The following CCDC127 variants were observed in gnomAD, a reference collection of about 807,000 sequenced individuals.
CCDC127 encodes the protein coiled-coil domain containing 127, also known as coiled-coil domain-containing protein 127.
Under a neutral mutation model 4.1 loss-of-function variants are expected in CCDC127, and 2 were observed. The observed-to-expected ratio is 0.49, with a 90% confidence interval of 0.20 to 1.53. CCDC127 has a LOEUF of 1.53. Ranked by LOEUF, CCDC127 falls within the 40% of genes most tolerant of loss-of-function variation. The pLI is 0.23. For synonymous variants in CCDC127, 98 were observed against 120.4 expected (o/e 0.81, Z 1.22); for missense variants, 271 against 322.9 (o/e 0.84, Z 1.23).
intron 2 of CCDC127, among the ~76,000 whole-genome samples, chr5:207,251 A>G (rs1734194352): frequency 6.6e-6 from 1 of 152,214 alleles, no homozygotes; most frequent in Non-Finnish European, 1.5e-5. Flanking sequence ...AGTAAGCACA[A>G]AACCAAACTC....
At position 196,869 on chromosome 5, in the gene CCDC127, A is replaced by G. The variant is rs1323894589; in HGVS notation, c.*8428T>C. ...TGAGAAAAGAAGTAAGACACAAAGT[A>G]TAGAGAAACAACAGTGGGCCCAGGG... is the stretch of plus-strand genomic sequence containing the variant. On this transcript the variant is annotated 3_prime_UTR_variant, in exon 3 of 3. Coordinates refer to ENST00000296824, the MANE Select transcript of CCDC127 (RefSeq NM_145265.3). The G allele has an allele frequency of 5.4e-4, 54 of 100,366 alleles. No individual in the cohort carries two copies. The highest frequency in any genetic ancestry group is 1.5e-3 in the African/African-American group (50 of 32,498). The allele number at this position is 100,366 out of a possible 1,614,324, so 6.2% of individuals were successfully genotyped here. A position where few individuals can be genotyped will look rare whatever the true frequency, so the allele number is the denominator to read the frequency against.
rs1160940321 is a variant in CCDC127, at chr5:203,326, A to C, written c.*1971T>G. ...GGCACGCTAGCAGCCACTGAAGAAG[A>C]GAAGCATCTGAGCACCCTTAGCCAT... is the stretch of plus-strand genomic sequence containing the variant. On this transcript the variant is annotated 3_prime_UTR_variant, in exon 3 of 3. Coordinates refer to ENST00000296824, the MANE Select transcript of CCDC127 (RefSeq NM_145265.3). 1.3e-5 allele frequency: 2 copies of C among 152,298 alleles called. No individual in the cohort carries two copies. Among genetic ancestry groups the C allele is most frequent in the East Asian group, 3.8e-4 (2 of 5,206 alleles). The allele number at this position is 152,298 out of a possible 1,614,324, so 9.4% of individuals were successfully genotyped here.
chr5:206,091 C>A, intron 2 of CCDC127, 133 bp from the exon 3 acceptor site: 1 of 801,174 alleles, frequency 1.2e-6, no homozygotes, highest in Non-Finnish European at 1.9e-6. Flanking sequence ...CCAAGAAGAT[C>A]ACTTCTACGT....
intron 2 of CCDC127, among the ~76,000 whole-genome samples, chr5:207,291 T>C (rs1002991593): frequency 1.3e-5 from 2 of 152,146 alleles, no homozygotes; most frequent in Non-Finnish European, 2.9e-5. Flanking sequence ...TAGCTGCTAG[T>C]CCTACTTCAG....
chr5:207,732 C>T (rs192211941), intron 2 of CCDC127, among the ~76,000 whole-genome samples: 4 of 151,914 alleles, frequency 2.6e-5, no homozygotes, highest in Non-Finnish European at 5.9e-5. Context: ...TCTGCAGCCA[C>T]GAGGAGTCAA....
rs1734047480 is a variant in CCDC127, at chr5:200,159, T to C, written c.*5138A>G. On this transcript the variant is annotated 3_prime_UTR_variant, in exon 3 of 3. Transcript: ENST00000296824. ...CACATTCAGGCTCATCTGGTCCCGC[T>C]ACCCGACAGCAAGACCCTCAGCCTG... 6.6e-6 allele frequency: 1 copy of C among 152,206 alleles called. No individual in the cohort carries two copies. The highest frequency in any genetic ancestry group is 2.1e-4 in the South Asian group (1 of 4,822). 9.4% of individuals were successfully genotyped at this position (152,206 alleles called of 1,614,324 possible). A position where few individuals can be genotyped will look rare whatever the true frequency, so the allele number is the denominator to read the frequency against.
At chr5:213,731 C>T (rs1218763707) in intron 2 of CCDC127, among the ~76,000 whole-genome samples, 1 of 152,252 alleles carries the variant, frequency 6.6e-6, no homozygotes, top group East Asian at 1.9e-4. Context: ...AACCGATCAG[C>T]TCTGCATTGC....
At position 218,111 on chromosome 5, in the gene CCDC127, G is replaced by A. The variant is rs114533164; in HGVS notation, c.-29C>T. On this transcript the variant is annotated 5_prime_UTR_variant, in exon 1 of 3. Transcript: ENST00000296824. ...GCTCTACCTCGGTCGGGGAGCGCGGGACCTCAGCGTTCCCTTAACGCCACC... is the reference window on the plus strand; with the variant it reads ...GCTCTACCTCGGTCGGGGAGCGCGGAACCTCAGCGTTCCCTTAACGCCACC... 3.2e-3 allele frequency: 3,900 copies of A among 1,217,610 alleles called. 95 individuals are homozygous for A. In the African/African-American group the frequency reaches 0.054, roughly 17 times the overall value. The allele number at this position is 1,217,610 out of a possible 1,614,324, so 75.4% of individuals were successfully genotyped here. A position where few individuals can be genotyped will look rare whatever the true frequency, so the allele number is the denominator to read the frequency against.
chr5:210,599 C>T (rs1284004050), intron 2 of CCDC127, among the ~76,000 whole-genome samples: 1 of 152,188 alleles, frequency 6.6e-6, no homozygotes, highest in African/African-American at 2.4e-5. Context: ...CACAGTAGAG[C>T]CACGATGAGA....
At chr5:206,065 T>A in intron 2 of CCDC127, 107 bp from the exon 3 acceptor site, 1 of 1,002,412 alleles carries the variant, frequency 1.0e-6, no homozygotes, top group Non-Finnish European at 1.5e-6. Context: ...AGTAAAAGCT[T>A]AAGACCTCGG....
At chr5:213,513 G>C (rs1251663194) in intron 2 of CCDC127, among the ~76,000 whole-genome samples, 1 of 134,648 alleles carries the variant, frequency 7.4e-6, no homozygotes, top group East Asian at 2.1e-4. Flanking sequence ...CGGGACAGCA[G>C]TGTGAGCACG....
chr5:203,691 G>GCTC lies in CCDC127; in HGVS notation c.*1603_*1605dup, dbSNP rs1323767005. On this transcript the variant is annotated 3_prime_UTR_variant, in exon 3 of 3. Transcript: ENST00000296824. ...GAAAGCAGATGGACAACCTGCTCCC[G>GCTC]CTCCTGCCTGGCCACACACTATCAA... 6.6e-6 allele frequency: 1 copy of GCTC among 152,088 alleles called. No individual in the cohort carries two copies. The highest frequency in any genetic ancestry group is 6.5e-5 in the Admixed American group (1 of 15,280). 9.4% of individuals were successfully genotyped at this position (152,088 alleles called of 1,614,324 possible).
Position 204,066 on chromosome 5 carries a change from G to A in CCDC127, c.*1231C>T, listed in dbSNP as rs901960518. 1 of 152,330 alleles carries A rather than the reference G, an allele frequency of 6.6e-6. No individual in the cohort carries two copies. Among genetic ancestry groups the A allele is most frequent in the Non-Finnish European group, 1.5e-5 (1 of 68,124 alleles). 9.4% of individuals were successfully genotyped at this position (152,330 alleles called of 1,614,324 possible). On this transcript the variant is annotated 3_prime_UTR_variant, in exon 3 of 3. Transcript: ENST00000296824. ...GGAATTCCCACACAGGCCAGGCAGG[G>A]GGTACCACATGACCAGCCCTTAGCA...
At chr5:206,622 C>A (rs539306014) in intron 2 of CCDC127, among the ~76,000 whole-genome samples, 1 of 152,142 alleles carries the variant, frequency 6.6e-6, no homozygotes, top group Non-Finnish European at 1.5e-5. Flanking sequence ...GCACCTGGCT[C>A]CGTATAGAGC....
chr5:208,038 G>A (rs1447277572), intron 2 of CCDC127, among the ~76,000 whole-genome samples: 2 of 152,196 alleles, frequency 1.3e-5, no homozygotes, highest in Non-Finnish European at 2.9e-5. Context: ...AAGTGTGGCA[G>A]GACAGGCTGG....
Position 199,616 on chromosome 5 carries a change from C to G in CCDC127, c.*5681G>C, listed in dbSNP as rs1483943849. ...ATCCCATTTTCTGGCACCACCAGCCCTGGCCCATGGGGAGCAGCCACCTCG... is the reference window on the plus strand; with the variant it reads ...ATCCCATTTTCTGGCACCACCAGCCGTGGCCCATGGGGAGCAGCCACCTCG... On this transcript the variant is annotated 3_prime_UTR_variant, in exon 3 of 3. Transcript: ENST00000296824. The G allele has an allele frequency of 6.5e-6, 1 of 153,036 alleles. No individual in the cohort carries two copies. The highest frequency in any genetic ancestry group is 2.4e-5 in the African/African-American group (1 of 41,374). 9.5% of individuals were successfully genotyped at this position (153,036 alleles called of 1,614,324 possible). A position where few individuals can be genotyped will look rare whatever the true frequency, so the allele number is the denominator to read the frequency against.
rs1734059942 is a variant in CCDC127, at chr5:200,781, A to G, written c.*4516T>C. The G allele has an allele frequency of 6.6e-6, 1 of 152,272 alleles. No homozygotes were observed. Among genetic ancestry groups the G allele is most frequent in the Non-Finnish European group, 1.5e-5 (1 of 68,080 alleles). The allele number at this position is 152,272 out of a possible 1,614,324, so 9.4% of individuals were successfully genotyped here. A position where few individuals can be genotyped will look rare whatever the true frequency, so the allele number is the denominator to read the frequency against. On this transcript the variant is annotated 3_prime_UTR_variant, in exon 3 of 3. Transcript: ENST00000296824. ...AGAGGAGCCTTTTCAGCCTCAACCT[A>G]TAAAACCCAGCGCAGTTACTCACAC...
intron 2 of CCDC127, chr5:215,042 T>C (rs1734352868): frequency 6.6e-6 from 1 of 150,484 alleles, no homozygotes; most frequent in African/African-American, 2.4e-5. Flanking sequence ...AAAAAAAAAA[T>C]TCTAGTAAAT....
Position 203,966 on chromosome 5 carries a change from G to C in CCDC127, c.*1331C>G, listed in dbSNP as rs1338573432. 1 of 152,220 alleles carries C rather than the reference G, an allele frequency of 6.6e-6. No homozygotes were observed. The highest frequency in any genetic ancestry group is 2.4e-5 in the African/African-American group (1 of 41,448). The allele number at this position is 152,220 out of a possible 1,614,324, so 9.4% of individuals were successfully genotyped here. A position where few individuals can be genotyped will look rare whatever the true frequency, so the allele number is the denominator to read the frequency against. On this transcript the variant is annotated 3_prime_UTR_variant, in exon 3 of 3. Transcript: ENST00000296824. ...ACTTCCCAGCACCATTAACTCCTAC[G>C]CGTGGCTCTGTGACCACAGTACTTG...
Sources: gnomAD v4.1 joint callset for allele counts (sites outside exome capture counted in the v4.1 genomes callset) on GRCh38, gnomAD v4.1.1 for gene constraint, MANE v1.5 for transcripts, NCBI Gene and HGNC (gene_info 2026-07-23, HGNC 2026-07-21) for gene names.